Variants in TTC28 observed in about 807,000 individuals in gnomAD.
The protein encoded by TTC28 is tetratricopeptide repeat protein 28.
Under a neutral mutation model 198.0 loss-of-function variants are expected in TTC28, and 61 were observed. The observed-to-expected ratio is 0.31, with a 90% CI of 0.25 to 0.38. The LOEUF (loss-of-function observed/expected upper bound fraction) is 0.38. Among genes scored for constraint, TTC28 ranks in the 10% least tolerant of loss-of-function variants. TTC28 has a pLI of 1.00. For missense variants in TTC28, 2,678 were observed against 3,164.0 expected (o/e 0.85, Z 3.69); for synonymous variants, 1,171 against 1,297.8 (o/e 0.90, Z 2.10).
intron 12 of TTC28, among the ~76,000 whole-genome samples, chr22:28,039,123 G>T (rs1484361459): frequency 1.3e-5 from 2 of 152,078 alleles, no homozygotes; most frequent in African/African-American, 4.8e-5. Context: ...GATTCCTCAG[G>T]GTTCTAGAAC....
chr22:28,533,654 A>C (rs1274040938), intron 2 of TTC28, among the ~76,000 whole-genome samples: 1 of 152,236 alleles, frequency 6.6e-6, no homozygotes, highest in Non-Finnish European at 1.5e-5. Context: ...ACCTGACTTC[A>C]AACTATACTA....
intron 12 of TTC28, among the ~76,000 whole-genome samples, chr22:28,083,580 G>A (rs532945476): frequency 1.1e-4 from 17 of 152,370 alleles, no homozygotes; most frequent in East Asian, 5.8e-4. Flanking sequence ...AGCTCCCAGC[G>A]TGAGCGATGC....
intron 5 of TTC28, among the ~76,000 whole-genome samples, chr22:28,295,016 A>C (rs901293629): frequency 1.3e-5 from 2 of 152,216 alleles, no homozygotes; most frequent in Admixed American, 1.3e-4. Context: ...TCACTCCCTG[A>C]ACATCAAGAA....
At chr22:28,299,466 G>A (rs1447940027) in intron 3 of TTC28, among the ~76,000 whole-genome samples, 2 of 152,072 alleles carry the variant, frequency 1.3e-5, no homozygotes, top group Non-Finnish European at 2.9e-5. Flanking sequence ...AGAGAACAAA[G>A]AACATTTTTA....
chr22:28,041,613 C>A (rs964243991), intron 12 of TTC28, among the ~76,000 whole-genome samples: 2 of 152,124 alleles, frequency 1.3e-5, no homozygotes, highest in African/African-American at 4.8e-5. Context: ...AATGTTAGAC[C>A]TAAAACCATA....
intron 2 of TTC28, among the ~76,000 whole-genome samples, chr22:28,442,056 C>T (rs1398844268): frequency 6.6e-6 from 1 of 152,132 alleles, no homozygotes; most frequent in African/African-American, 2.4e-5. Context: ...GGGACCAGTC[C>T]CACATTTAGA....
chr22:28,283,771 G>A (rs561150248), intron 5 of TTC28, among the ~76,000 whole-genome samples: 1 of 152,250 alleles, frequency 6.6e-6, no homozygotes, highest in South Asian at 2.1e-4. Context: ...GACAGACCTT[G>A]AACTCCTGCT....
At chr22:28,609,599 G>A (rs748814928) in intron 2 of TTC28, among the ~76,000 whole-genome samples, 4 of 152,170 alleles carry the variant, frequency 2.6e-5, no homozygotes, top group Admixed American at 6.5e-5. Flanking sequence ...GATTCCTTCC[G>A]ATGCCTATGC....
intron 5 of TTC28, among the ~76,000 whole-genome samples, chr22:28,251,415 A>G (rs1262766996): frequency 6.6e-6 from 1 of 152,204 alleles, no homozygotes; most frequent in Non-Finnish European, 1.5e-5. Context: ...AGTTGTGTCC[A>G]CTGGGCCTGA....
rs1392197352 is a variant in TTC28 at position 28,632,547 on chromosome 22, A to G, written c.103-2717T>C. 2.0e-5 allele frequency among the ~76,000 whole-genome samples: 3 copies of G among 152,188 alleles called. No homozygotes were observed. The East Asian group carries it at 5.8e-4, about 29-fold the overall frequency. On this transcript the variant is annotated intron_variant, in intron 1 of 22. Coordinates refer to ENST00000397906, the MANE Select transcript of TTC28 (RefSeq NM_001145418.2). ...TAAATGGACTATGTAACATTTACCA[A>G]ACAACCAGAATTTTCAGTCCTTGTT... is the stretch of plus-strand genomic sequence containing the variant.
At chr22:28,216,603 G>C (rs1927424005) in intron 5 of TTC28, among the ~76,000 whole-genome samples, 1 of 152,044 alleles carries the variant, frequency 6.6e-6, no homozygotes, top group African/African-American at 2.4e-5. Context: ...AACAAAGCAA[G>C]AGGTAGTCAA....
Position 27,979,056 on chromosome 22 carries a change from GC to G in TTC28, c.*3164del, listed in dbSNP as rs1936934462. On this transcript the variant is annotated 3_prime_UTR_variant, in exon 23 of 23. Transcript: ENST00000397906. ...GGAGGCATTTGCTTCCATCCACGTGGCCCTCACATACCCTGGGCTCCCCGGA... is the reference window on the plus strand; with the variant it reads ...GGAGGCATTTGCTTCCATCCACGTGGCCTCACATACCCTGGGCTCCCCGGA... 6.6e-6 allele frequency: 1 copy of G among 152,260 alleles called. No individual in the cohort carries two copies. Among genetic ancestry groups the G allele is most frequent in the Admixed American group, 6.5e-5 (1 of 15,284 alleles). 9.4% of individuals were successfully genotyped at this position (152,260 alleles called of 1,614,324 possible).
chr22:28,604,964 T>C (rs890305314), intron 2 of TTC28, among the ~76,000 whole-genome samples: 1 of 152,220 alleles, frequency 6.6e-6, no homozygotes, highest in Non-Finnish European at 1.5e-5. Context: ...GTGATAAACA[T>C]ACCATCTAAG....
In TTC28 at chr22:28,225,368, AAAGAAGAAGAAG is replaced by A. The variant is rs148306183; in HGVS notation, c.934-61781_934-61770del. The stretch of plus-strand genomic sequence containing the variant: ...AGAGATTCTGTTAAAAAAAAAAAGA[AAAGAAGAAGAAG>A]AAGAAGAAGAAGAAGAAGAAGAAAG... On this transcript the variant is annotated intron_variant, in intron 5 of 22. Coordinates refer to ENST00000397906, the MANE Select transcript of TTC28 (RefSeq NM_001145418.2). Among the ~76,000 whole-genome samples the A allele has an allele frequency of 3.8e-4, 55 of 143,172 alleles. No homozygotes were observed. The East Asian group carries it at 4.1e-3, about 11-fold the overall frequency. The allele number at this position is 143,172 out of a possible 152,430, so 93.9% of individuals were successfully genotyped here. A position where few individuals can be genotyped will look rare whatever the true frequency, so the allele number is the denominator to read the frequency against.
At chr22:28,547,664 A>C in intron 2 of TTC28, among the ~76,000 whole-genome samples, 1 of 152,154 alleles carries the variant, frequency 6.6e-6, no homozygotes, top group East Asian at 1.9e-4. Flanking sequence ...GTCATGAAAA[A>C]TTTACTCACT....
At chr22:28,058,421 A>G (rs916016516) in intron 12 of TTC28, among the ~76,000 whole-genome samples, 2 of 152,106 alleles carry the variant, frequency 1.3e-5, no homozygotes, top group African/African-American at 2.4e-5. Context: ...GAGTCTTCCA[A>G]TATGTTAATA....
chr22:28,252,705 A>G (rs971175692), intron 5 of TTC28, among the ~76,000 whole-genome samples: 1 of 152,188 alleles, frequency 6.6e-6, no homozygotes. Flanking sequence ...CTTCTGGCAG[A>G]ACTTGACTAT....
intron 2 of TTC28, among the ~76,000 whole-genome samples, chr22:28,453,813 T>A (rs1254241734): frequency 5.9e-5 from 9 of 152,312 alleles, no homozygotes; most frequent in African/African-American, 2.2e-4. Flanking sequence ...GCCAGAATGA[T>A]CTTTCTATAA....
chr22:28,054,876 TA>T (rs1463809667), intron 12 of TTC28, among the ~76,000 whole-genome samples: 1 of 152,206 alleles, frequency 6.6e-6, no homozygotes, highest in Non-Finnish European at 1.5e-5. Flanking sequence ...TTTGGTTATA[TA>T]AAATCAAAGA....
Sources: allele counts gnomAD v4.1 joint callset (sites outside exome capture counted in the v4.1 genomes callset), GRCh38; gene constraint gnomAD v4.1.1; transcripts MANE v1.5; gene names NCBI Gene and HGNC (gene_info 2026-07-23, HGNC 2026-07-21).